The following MIPOL1 variants were observed in gnomAD, a reference collection of about 807,000 sequenced individuals.
MIPOL1 encodes mirror-image polydactyly gene 1 protein.
In MIPOL1, 57 loss-of-function variants were observed where a neutral mutation model predicts 60.9. The ratio of observed to expected loss-of-function variants is 0.94; its 90% confidence interval spans 0.76 to 1.17. The LOEUF (loss-of-function observed/expected upper bound fraction) is 1.17. Among genes scored for constraint, MIPOL1 ranks in the 50% most tolerant of loss-of-function variants. MIPOL1 has a pLI of 0.00. For synonymous variants in MIPOL1, 179 were observed against 168.8 expected, an observed-to-expected ratio of 1.06 and a Z score of -0.47; for missense variants, 551 against 511.6, an observed-to-expected ratio of 1.08 and a Z score of -0.74.
intron 1 of MIPOL1, among the ~76,000 whole-genome samples, chr14:37,232,164 A>G (rs766716758): frequency 7.2e-5 from 11 of 152,174 alleles, no homozygotes; most frequent in Non-Finnish European, 1.5e-4. Flanking sequence ...AGTGTACCTA[A>G]TGTATACTGT....
intron 9 of MIPOL1, among the ~76,000 whole-genome samples, chr14:37,310,430 T>A (rs1368212660): frequency 6.6e-6 from 1 of 152,176 alleles, no homozygotes; most frequent in Non-Finnish European, 1.5e-5. Flanking sequence ...AAAGATAACT[T>A]CTGCATGCCC....
At chr14:37,519,939 TCA>T (rs2095400708) in intron 12 of MIPOL1, among the ~76,000 whole-genome samples, 1 of 152,142 alleles carries the variant, frequency 6.6e-6, no homozygotes, top group African/African-American at 2.4e-5. Flanking sequence ...TTTGGAACCT[TCA>T]CCACTTTTAT....
At chr14:37,462,875 G>T (rs541944544) in intron 11 of MIPOL1, among the ~76,000 whole-genome samples, 205 of 152,224 alleles carry the variant, frequency 1.3e-3, no homozygotes, top group African/African-American at 4.8e-3. Context: ...CAAGTCTCTA[G>T]GAAGTTCCAA....
intron 6 of MIPOL1, among the ~76,000 whole-genome samples, chr14:37,273,618 A>T (rs928326628): frequency 6.6e-6 from 1 of 151,404 alleles, no homozygotes; most frequent in Admixed American, 6.6e-5. Context: ...AATCTGGTAC[A>T]GTCAAGACCA....
intron 7 of MIPOL1, among the ~76,000 whole-genome samples, chr14:37,297,263 G>A (rs2085824518): frequency 6.6e-6 from 1 of 152,076 alleles, no homozygotes; most frequent in Non-Finnish European, 1.5e-5. Flanking sequence ...CAACCTTCAT[G>A]CTAAAAACTC....
chr14:37,298,852 A>G (rs1191880333), intron 7 of MIPOL1, among the ~76,000 whole-genome samples: 1 of 150,438 alleles, frequency 6.6e-6, no homozygotes, highest in Non-Finnish European at 1.5e-5. Flanking sequence ...TGTTGGTGGG[A>G]CTGTAAACTA....
chr14:37,397,737 G>A (rs754284113), intron 10 of MIPOL1, among the ~76,000 whole-genome samples: 7 of 152,198 alleles, frequency 4.6e-5, no homozygotes, highest in East Asian at 1.9e-4. Context: ...AGTCATGCAC[G>A]TTGTCAGGAA....
chr14:37,516,506 A>C (rs913196400), intron 12 of MIPOL1, among the ~76,000 whole-genome samples: 2 of 152,180 alleles, frequency 1.3e-5, no homozygotes, highest in African/African-American at 4.8e-5. Flanking sequence ...TGCCATTCTC[A>C]AGGATGAATC....
chr14:37,540,560 C>T (rs2095525792), intron 12 of MIPOL1, among the ~76,000 whole-genome samples: 2 of 152,124 alleles, frequency 1.3e-5, no homozygotes, highest in Admixed American at 6.6e-5. Context: ...ATGGGTAAGC[C>T]GATCAATTGC....
chr14:37,345,890 C>A (rs1436123433), intron 9 of MIPOL1, among the ~76,000 whole-genome samples: 1 of 152,134 alleles, frequency 6.6e-6, no homozygotes, highest in African/African-American at 2.4e-5. Flanking sequence ...CTTTTGTCTC[C>A]TATGGTGAGA....
At chr14:37,385,859 A>G (rs1048840982) in intron 10 of MIPOL1, 8 of 152,088 alleles carry the variant, frequency 5.3e-5, no homozygotes, top group East Asian at 3.9e-4. Flanking sequence ...CATTTTAGAG[A>G]GAAACAAAAG....
intron 10 of MIPOL1, among the ~76,000 whole-genome samples, chr14:37,390,089 G>A (rs572627129): frequency 7.9e-5 from 12 of 151,736 alleles, no homozygotes; most frequent in Non-Finnish European, 1.0e-4. Flanking sequence ...CATGGTGGTG[G>A]GCACCTGTAA....
intron 11 of MIPOL1, among the ~76,000 whole-genome samples, chr14:37,445,921 T>C (rs1459161613): frequency 6.6e-6 from 1 of 152,098 alleles, no homozygotes; most frequent in East Asian, 1.9e-4. Flanking sequence ...CAGAAATTAA[T>C]TCAAGATGGA....
At chr14:37,295,618 G>C (rs1216450979) in intron 7 of MIPOL1, among the ~76,000 whole-genome samples, 1 of 152,026 alleles carries the variant, frequency 6.6e-6, no homozygotes, top group Non-Finnish European at 1.5e-5. Flanking sequence ...GATCTACCAA[G>C]CAAATGGAAA....
At chr14:37,363,076 G>A (rs531186780) in intron 9 of MIPOL1, among the ~76,000 whole-genome samples, 2 of 152,122 alleles carry the variant, frequency 1.3e-5, no homozygotes, top group Non-Finnish European at 2.9e-5. Context: ...GCTTGGAGAA[G>A]TTTGTTACTA....
At chr14:37,296,171 C>T (rs184367209) in intron 7 of MIPOL1, among the ~76,000 whole-genome samples, 1 of 152,292 alleles carries the variant, frequency 6.6e-6, no homozygotes, top group African/African-American at 2.4e-5. Context: ...TGCTCAGCTA[C>T]GTGGAAACTG....
At chr14:37,237,820 T>C (rs1159073143) in intron 1 of MIPOL1, among the ~76,000 whole-genome samples, 3 of 152,176 alleles carry the variant, frequency 2.0e-5, no homozygotes, top group Non-Finnish European at 4.4e-5. Context: ...AGAATCTGTG[T>C]AGTTGAACTC....
chr14:37,551,713 A>G (rs2095561987), downstream of MIPOL1: 6 of 151,658 alleles, frequency 4.0e-5, no homozygotes, highest in Non-Finnish European at 8.8e-5. Context: ...TCTACTAAAA[A>G]AAGTACAAAA....
At chr14:37,478,094 A>G (rs2094805927) in intron 11 of MIPOL1, among the ~76,000 whole-genome samples, 1 of 152,236 alleles carries the variant, frequency 6.6e-6, no homozygotes, top group South Asian at 2.1e-4. Flanking sequence ...GCAAAAGAGT[A>G]TGGTGCTAGA....
Sources: allele counts gnomAD v4.1 joint callset (sites outside exome capture counted in the v4.1 genomes callset), GRCh38; gene constraint gnomAD v4.1.1; transcripts MANE v1.5; gene names NCBI Gene and HGNC (gene_info 2026-07-23, HGNC 2026-07-21).